The following DNAH2 variants were observed in gnomAD, a reference collection of about 807,000 sequenced individuals.
DNAH2 encodes the protein dynein axonemal heavy chain 2.
DNAH2 carries 323 observed loss-of-function variants against 523.5 expected under a neutral mutation model. That is an observed-to-expected ratio of 0.62 (90% CI 0.56 to 0.68). The LOEUF (loss-of-function observed/expected upper bound fraction) is 0.68. DNAH2 is among the 30% of genes least tolerant of loss of function. DNAH2 has a pLI of 0.00. For synonymous variants in DNAH2, 2,093 were observed against 2,177.4 expected, an observed-to-expected ratio of 0.96 and a Z score of 1.08; for missense variants, 4,907 against 5,701.5, an observed-to-expected ratio of 0.86 and a Z score of 4.49.
At chr17:7,731,803 C>T (rs899282321) in intron 4 of DNAH2, among the ~76,000 whole-genome samples, 76 of 150,784 alleles carry the variant, frequency 5.0e-4, no homozygotes, top group Middle Eastern at 3.5e-3. Flanking sequence ...CCGAGGCAGG[C>T]GGATCACCTA....
Position 7,737,051 on chromosome 17 carries a change from C to T in DNAH2, c.979-16C>T. 6.2e-7 allele frequency: 1 copy of T among 1,607,302 alleles called. No individual in the cohort carries two copies. The highest frequency in any genetic ancestry group is 8.5e-7 in the Non-Finnish European group (1 of 1,175,200). On this transcript the variant is annotated splice_polypyrimidine_tract_variant and intron_variant, in intron 7 of 85. Coordinates refer to ENST00000572933, the MANE Select transcript of DNAH2 (RefSeq NM_020877.5). ...TCTAGTGCATAAATCTATTTCTCAT[C>T]TCTCTTTACTGCCAGGATGGCTCTC... is the stretch of plus-strand genomic sequence containing the variant.
intron 72 of DNAH2, among the ~76,000 whole-genome samples, chr17:7,820,578 C>T (rs756794549): frequency 6.6e-6 from 1 of 152,192 alleles, no homozygotes; most frequent in Non-Finnish European, 1.5e-5. Flanking sequence ...GGCAGCTCCT[C>T]GGAAACTTTC....
At position 7,832,370 on chromosome 17, in the gene DNAH2, C is replaced by T. The variant is rs2078203201; in HGVS notation, c.12727-209C>T. On this transcript the variant is annotated intron_variant, in intron 82 of 85. Transcript: ENST00000572933. This position sits in a 1 kb window ranked among gnomAD's most constrained non-coding sequence, Gnocchi z 4.3. ...TAAAAAAATACAAAAATTAGCCGGG[C>T]GTGATGGTGGGCGCCTGTAATCCCA... 1.3e-5 allele frequency among the ~76,000 whole-genome samples: 2 copies of T among 151,942 alleles called. No individual in the cohort carries two copies. Among genetic ancestry groups the T allele is most frequent in the South Asian group, 4.2e-4 (2 of 4,814 alleles).
At position 7,737,223 on chromosome 17, in the gene DNAH2, A is replaced by G; in HGVS notation, c.1135A>G (p.Asn379Asp). ...RIIWVNSPHYNTRERLTSLFR... is the reference protein window; with the variant it reads ...RIIWVNSPHYDTRERLTSLFR... Reference sequence around the variant, plus strand: ...CATCTGGGTCAACTCTCCCCACTACAACACTCGGGAGAGACTGACCTCGCT... The same window carrying G: ...CATCTGGGTCAACTCTCCCCACTACGACACTCGGGAGAGACTGACCTCGCT... The change falls in exon 8 of 86, where the codon AAC becomes GAC. Residue 379 changes from asparagine (N) to aspartate (D), a missense_variant. This residue lies in a region of DNAH2 where 2,806 missense variants were observed against 3,190.8 expected (regional missense o/e 0.88). Coordinates refer to ENST00000572933, the MANE Select transcript of DNAH2 (RefSeq NM_020877.5). 2 of 1,613,912 alleles carry G rather than the reference A, an allele frequency of 1.2e-6. No homozygotes were observed. Among genetic ancestry groups the G allele is most frequent in the South Asian group, 2.2e-5 (2 of 91,062 alleles).
intron 64 of DNAH2, 42 bp downstream of exon 64, chr17:7,816,777 G>C (rs766755333): frequency 1.9e-6 from 3 of 1,600,548 alleles, no homozygotes; most frequent in Non-Finnish European, 2.6e-6. Flanking sequence ...CACTCTGCTC[G>C]CCACTTCCGA....
intron 39 of DNAH2, among the ~76,000 whole-genome samples, chr17:7,782,773 C>T (rs1028131714): frequency 6.6e-6 from 1 of 152,048 alleles, no homozygotes; most frequent in African/African-American, 2.4e-5. Context: ...CAAGACCAGC[C>T]TGGGTAACAT....
intron 12 of DNAH2, among the ~76,000 whole-genome samples, chr17:7,753,064 A>T (rs1434879613): frequency 6.6e-6 from 1 of 152,182 alleles, no homozygotes; most frequent in African/African-American, 2.4e-5. Flanking sequence ...GCCATTTATC[A>T]TCACACTTGA....
chr17:7,808,080 C>A (rs554157676), intron 63 of DNAH2, among the ~76,000 whole-genome samples: 1 of 152,252 alleles, frequency 6.6e-6, no homozygotes, highest in East Asian at 1.9e-4. Context: ...CTGCAAGATG[C>A]ATGCATGAGG....
rs780397873 is a variant in DNAH2 at position 7,787,039 on chromosome 17, G to A, written c.6603+6G>A. 1 of 1,613,786 alleles carries A rather than the reference G, an allele frequency of 6.2e-7. No individual in the cohort carries two copies. Among genetic ancestry groups the A allele is most frequent in the South Asian group, 1.1e-5 (1 of 91,076 alleles). ...GCATCGCGATGCCCGAGCAGGTCAG[G>A]GACGCGGCTGACTCCTGGAGGCCTG... On this transcript the variant is annotated splice_donor_region_variant and intron_variant, in intron 42 of 85. Transcript: ENST00000572933.
chr17:7,824,484 G>A, intron 76 of DNAH2, 53 bp from the exon 77 acceptor site: 5 of 1,465,152 alleles, frequency 3.4e-6, no homozygotes, highest in Non-Finnish European at 4.5e-6. Context: ...GAAAGCATGA[G>A]GACAGGCAGG....
At chr17:7,734,832 G>A (rs753555600) in intron 7 of DNAH2, 124 bp downstream of exon 7, 23 of 955,840 alleles carry the variant, frequency 2.4e-5, no homozygotes, top group Non-Finnish European at 3.4e-5. Context: ...ACCCACCCAG[G>A]GTTCGGCCTT....
In DNAH2 at chr17:7,823,955, C is replaced by T. The variant is rs369435627; in HGVS notation, c.11451C>T (p.Ile3817=). ...FIITNLGSRF[I]EPPVLNMKSV... ...TCACCAACCTTGGCTCCCGCTTCAT[C>T]GAGCCGCCTGTGCTGAATATGAAGT... The change falls in exon 75 of 86, where the codon ATC becomes ATT. Residue 3817 remains isoleucine (I), a synonymous_variant. Transcript: ENST00000572933. The T allele has an allele frequency of 9.0e-5, 146 of 1,613,640 alleles. No homozygotes were observed. Among genetic ancestry groups the T allele is most frequent in the Non-Finnish European group, 1.1e-4 (128 of 1,180,034 alleles).
At chr17:7,803,086 A>G (rs2077267842) in intron 58 of DNAH2, among the ~76,000 whole-genome samples, 1 of 152,192 alleles carries the variant, frequency 6.6e-6, no homozygotes, top group African/African-American at 2.4e-5. Context: ...CCACCCAAGC[A>G]GTTCTCCAGG....
Position 7,817,797 on chromosome 17 carries a change from C to T in DNAH2, c.10177C>T (p.Leu3393=). The change falls in exon 67 of 86, where the codon CTG becomes TTG. Residue 3393 remains leucine (L), a synonymous_variant. Coordinates refer to ENST00000572933, the MANE Select transcript of DNAH2 (RefSeq NM_020877.5). The part of the protein sequence containing the change: ...IIVTRGNRWA[L]MIDPQAQALK... ...CCTGTACTCCCCTTCCAGGTGGGCACTGATGATCGACCCTCAGGCCCAGGC... is the reference window on the plus strand; with the variant it reads ...CCTGTACTCCCCTTCCAGGTGGGCATTGATGATCGACCCTCAGGCCCAGGC... 6.2e-7 allele frequency: 1 copy of T among 1,614,060 alleles called. No homozygotes were observed. Among genetic ancestry groups the T allele is most frequent in the South Asian group, 1.1e-5 (1 of 91,082 alleles).
At position 7,770,561 on chromosome 17, in the gene DNAH2, T is replaced by C. The variant is rs201567679; in HGVS notation, c.4103T>C (p.Leu1368Ser). The change falls in exon 26 of 86, where the codon TTA becomes TCA. Residue 1368 changes from leucine (L) to serine (S), a missense_variant. Physicochemically the swap from Leu to Ser is moderately radical, Grantham distance 145 (BLOSUM62 -2). Around this residue, in one of 3 missense-constraint regions of DNAH2, gnomAD observed 2,806 missense variants for 3,190.8 expected, o/e 0.88. Coordinates refer to ENST00000572933, the MANE Select transcript of DNAH2 (RefSeq NM_020877.5). ...TCCCCCAATTTCTCTCCACAGGCTTTACAAAACATTGCCAAGACCTGGGAT... is the reference window on the plus strand; with the variant it reads ...TCCCCCAATTTCTCTCCACAGGCTTCACAAAACATTGCCAAGACCTGGGAT... ...ATKELAIEVA[L>S]QNIAKTWDVT... 2 of 1,614,142 alleles carry C rather than the reference T, an allele frequency of 1.2e-6. No homozygotes were observed. The highest frequency in any genetic ancestry group is 4.5e-5 in the East Asian group (2 of 44,884).
chr17:7,778,074 C>G lies in DNAH2; in HGVS notation c.5248-3C>G. 6.2e-7 allele frequency: 1 copy of G among 1,612,638 alleles called. No individual in the cohort carries two copies. Among genetic ancestry groups the G allele is most frequent in the Non-Finnish European group, 8.5e-7 (1 of 1,178,606 alleles). ...CTCTCTTTTTCTGCGCTGTTTTCCC[C>G]AGGATCTTGATGACTGTGTCATCCG... On this transcript the variant is annotated splice_polypyrimidine_tract_variant and splice_region_variant and intron_variant, in intron 33 of 85. Coordinates refer to ENST00000572933, the MANE Select transcript of DNAH2 (RefSeq NM_020877.5).
rs370353236 is a variant in DNAH2, at chr17:7,786,907, C to T, written c.6477C>T (p.Pro2159=). The T allele has an allele frequency of 2.2e-5, 36 of 1,614,096 alleles. No individual in the cohort carries two copies. The highest frequency in any genetic ancestry group is 2.8e-5 in the Non-Finnish European group (33 of 1,180,034). The change falls in exon 42 of 86, where the codon CCC becomes CCT. Residue 2159 remains proline, a synonymous_variant. Transcript: ENST00000572933. The surrounding 1 kb of genome is among the most constrained non-coding windows in gnomAD (Gnocchi z 7.5). ...VMRTACADEK[P]DEKWILFDGP... ...CCACCATCTACTCAGATGAGAAACC[C>T]GACGAGAAGTGGATCCTGTTCGATG...
At chr17:7,771,624 A>G (rs1387765436) in intron 28 of DNAH2, among the ~76,000 whole-genome samples, 156 bp downstream of exon 28, 1 of 152,230 alleles carries the variant, frequency 6.6e-6, no homozygotes, top group Non-Finnish European at 1.5e-5. Flanking sequence ...ATAATTCTGT[A>G]AATTAAACTC....
chr17:7,800,663 G>A (rs1381420064), intron 56 of DNAH2, among the ~76,000 whole-genome samples: 4 of 150,294 alleles, frequency 2.7e-5, no homozygotes, highest in African/African-American at 7.3e-5. Flanking sequence ...TCAGGAGATC[G>A]AGACCATCCT....
Sources: allele counts gnomAD v4.1 joint callset (sites outside exome capture counted in the v4.1 genomes callset), GRCh38; gene constraint gnomAD v4.1.1; regional missense constraint gnomAD v4.1.1; non-coding constraint Gnocchi (gnomAD v3.1); transcripts MANE v1.5; gene names NCBI Gene and HGNC (gene_info 2026-07-23, HGNC 2026-07-21).